The following KDM2A variants were observed in gnomAD, a reference collection of about 807,000 sequenced individuals.
KDM2A encodes lysine-specific demethylase 2A.
In KDM2A, 3 loss-of-function variants were observed where a neutral mutation model predicts 137.3. The observed-to-expected ratio is 0.02, with a 90% CI of 0.01 to 0.06. The LOEUF is 0.06. KDM2A is among the 10% of genes least tolerant of loss of function. KDM2A has a pLI of 1.00. For synonymous variants in KDM2A, 512 were observed against 541.5 expected, an observed-to-expected ratio of 0.95 and a Z score of 0.76; for missense variants, 738 against 1,510.6, an observed-to-expected ratio of 0.49 and a Z score of 8.48.
intron 2 of KDM2A, among the ~76,000 whole-genome samples, chr11:67,176,383 T>C (rs682509): frequency 0.96 from 146,195 of 152,258 alleles, 70,293 homozygotes; most frequent in Non-Finnish European, 0.99. Flanking sequence ...CAATACTTAG[T>C]TTTAAATTCT....
rs142651947 is a variant in KDM2A, at chr11:67,160,456, G to A, written c.43-19623G>A. 5.4e-3 allele frequency among the ~76,000 whole-genome samples: 816 copies of A among 152,146 alleles called. 13 individuals carry two copies. Among genetic ancestry groups the A allele is most frequent in the African/African-American group, 0.018 (763 of 41,508 alleles). On this transcript the variant is annotated intron_variant, in intron 2 of 20. Transcript: ENST00000529006. The stretch of plus-strand genomic sequence containing the variant: ...AGTGATTTTGTGACCAGTTTGTTAG[G>A]GAGGAAGCCCTTCATTTAAGAAATA...
chr11:67,157,882 G>A (rs1239028816), intron 2 of KDM2A, among the ~76,000 whole-genome samples: 1 of 152,120 alleles, frequency 6.6e-6, no homozygotes. Context: ...TTGAGCTCAG[G>A]AATTGGAGTC....
chr11:67,217,832 A>G lies in KDM2A; in HGVS notation c.789A>G (p.Ser263=). ...ACATCTTTCTGGGTGACCGGGTATC[A>G]GATTGTCAGCGCATTGAGCTCAAGC... is the stretch of plus-strand genomic sequence containing the variant. ...QGDIFLGDRV[S]DCQRIELKQG... The change falls in exon 9 of 21, where the codon TCA becomes TCG. Residue 263 remains serine, a synonymous_variant. Coordinates refer to ENST00000529006, the MANE Select transcript of KDM2A (RefSeq NM_012308.3). 6.2e-7 allele frequency: 1 copy of G among 1,613,360 alleles called. No homozygotes were observed. The highest frequency in any genetic ancestry group is 8.5e-7 in the Non-Finnish European group (1 of 1,179,634).
intron 6 of KDM2A, among the ~76,000 whole-genome samples, chr11:67,208,676 C>T (rs562024462): frequency 1.3e-5 from 2 of 150,220 alleles, no homozygotes; most frequent in East Asian, 2.0e-4. Flanking sequence ...GAGGCTGAGG[C>T]ATGAGAATCG....
At chr11:67,183,340 T>C (rs1271366924) in intron 5 of KDM2A, among the ~76,000 whole-genome samples, 2 of 152,246 alleles carry the variant, frequency 1.3e-5, no homozygotes, top group African/African-American at 4.8e-5. Context: ...ATTCCCTGTT[T>C]AAAGCTTCCC....
chr11:67,228,824 A>G (rs1205911547), intron 11 of KDM2A, among the ~76,000 whole-genome samples: 2 of 151,976 alleles, frequency 1.3e-5, no homozygotes, highest in South Asian at 4.2e-4. Flanking sequence ...GTAACCTCAA[A>G]CTCCTGGGCT....
intron 13 of KDM2A, among the ~76,000 whole-genome samples, chr11:67,244,005 G>T (rs1196336422): frequency 6.6e-6 from 1 of 152,154 alleles, no homozygotes; most frequent in Non-Finnish European, 1.5e-5. Flanking sequence ...TGAGGCTTCT[G>T]TTTGTTGTTC....
chr11:67,245,275 A>C lies in KDM2A; in HGVS notation c.1650A>C (p.Thr550=). The C allele has an allele frequency of 1.2e-6, 2 of 1,614,006 alleles. No individual in the cohort carries two copies. The highest frequency in any genetic ancestry group is 1.6e-4 in the Middle Eastern group (1 of 6,062). The change falls in exon 14 of 21, where the codon ACA becomes ACC. Residue 550 remains threonine, a synonymous_variant. Coordinates refer to ENST00000529006, the MANE Select transcript of KDM2A (RefSeq NM_012308.3). The surrounding 1 kb of genome is among the most constrained non-coding windows in gnomAD (Gnocchi z 4.1). ...PHTMKPAPRL[T]PVRPAAASPI... is the part of the protein sequence containing the mutation. ...CTATGAAACCAGCTCCACGGTTAACACCTGTGAGGCCAGCTGCTGCCTCCC... is the reference window on the plus strand; with the variant it reads ...CTATGAAACCAGCTCCACGGTTAACCCCTGTGAGGCCAGCTGCTGCCTCCC...
intron 10 of KDM2A, among the ~76,000 whole-genome samples, chr11:67,227,598 C>T (rs946389604): frequency 1.3e-5 from 2 of 152,040 alleles, no homozygotes; most frequent in Non-Finnish European, 2.9e-5. Context: ...CAGACGGAGT[C>T]TCACTCTGTA....
chr11:67,204,556 A>T (rs1857745158), intron 5 of KDM2A, among the ~76,000 whole-genome samples: 1 of 143,614 alleles, frequency 7.0e-6, no homozygotes, highest in African/African-American at 2.6e-5. Context: ...CAGTGGTGTG[A>T]TCTCTGCTTA....
intron 2 of KDM2A, among the ~76,000 whole-genome samples, chr11:67,126,179 G>C (rs1246924155): frequency 1.3e-5 from 2 of 151,108 alleles, no homozygotes; most frequent in African/African-American, 4.9e-5. Context: ...CCGCGAGACA[G>C]AGGTTGTGCT....
intron 5 of KDM2A, among the ~76,000 whole-genome samples, chr11:67,192,786 T>A (rs995417901): frequency 1.7e-4 from 26 of 151,938 alleles, no homozygotes; most frequent in African/African-American, 5.1e-4. Flanking sequence ...TGAAGGTTTA[T>A]AAATTTCTTC....
intron 2 of KDM2A, among the ~76,000 whole-genome samples, chr11:67,157,483 G>T (rs1283944196): frequency 1.3e-5 from 2 of 151,722 alleles, no homozygotes; most frequent in East Asian, 1.9e-4. Context: ...AGTGGCTCAC[G>T]CTTGTAATCC....
chr11:67,138,367 T>C (rs1856017011), intron 2 of KDM2A, among the ~76,000 whole-genome samples: 1 of 152,236 alleles, frequency 6.6e-6, no homozygotes, highest in African/African-American at 2.4e-5. Context: ...CTAATCAGGT[T>C]GCATAGGTTA....
chr11:67,250,011 G>A lies in KDM2A; in HGVS notation c.2056-75G>A, dbSNP rs1859359818. The A allele has an allele frequency of 1.6e-6, 2 of 1,223,562 alleles. No homozygotes were observed. Among genetic ancestry groups the A allele is most frequent in the African/African-American group, 3.0e-5 (2 of 66,404 alleles). The allele number at this position is 1,223,562 out of a possible 1,614,324, so 75.8% of individuals were successfully genotyped here. On this transcript the variant is annotated intron_variant, in intron 16 of 20. Coordinates refer to ENST00000529006, the MANE Select transcript of KDM2A (RefSeq NM_012308.3). The surrounding 1 kb of genome is among the most constrained non-coding windows in gnomAD (Gnocchi z 7.1). ...TCTCTCTGGTCCCCTGAGAGCAAGG[G>A]AGGTCCACCCTGTCGGTTCAGAGGG...
chr11:67,180,535 T>G (rs1255173072), intron 3 of KDM2A: 1 of 216,832 alleles, frequency 4.6e-6, no homozygotes, highest in African/African-American at 2.3e-5. Context: ...AATCCTTTTA[T>G]GTATATATCT....
intron 2 of KDM2A, among the ~76,000 whole-genome samples, chr11:67,139,234 TTTTTTTTTCC>T (rs1158674928): frequency 2.6e-5 from 4 of 152,020 alleles, no homozygotes; most frequent in Non-Finnish European, 4.4e-5. Context: ...TGCTACTTTT[TTTTTTTTTCC>T]TTTTTTCTTT....
intron 5 of KDM2A, among the ~76,000 whole-genome samples, chr11:67,190,951 C>CTGA (rs1857337099): frequency 1.3e-5 from 2 of 152,158 alleles, no homozygotes; most frequent in African/African-American, 4.8e-5. Flanking sequence ...AAGGCTGGGC[C>CTGA]TGATGGCTTT....
At chr11:67,182,855 C>T (rs1169922179) in intron 5 of KDM2A, among the ~76,000 whole-genome samples, 1 of 152,172 alleles carries the variant, frequency 6.6e-6, no homozygotes, top group Admixed American at 6.6e-5. Context: ...TTTTGAAATG[C>T]GTCCAATAGG....
Sources: allele counts gnomAD v4.1 joint callset (sites outside exome capture counted in the v4.1 genomes callset), GRCh38; gene constraint gnomAD v4.1.1; non-coding constraint Gnocchi (gnomAD v3.1); transcripts MANE v1.5; gene names NCBI Gene and HGNC (gene_info 2026-07-23, HGNC 2026-07-21).